The following GALNT18 variants were observed in gnomAD, a reference collection of about 807,000 sequenced individuals.
GALNT18 encodes the protein polypeptide N-acetylgalactosaminyltransferase 18.
GALNT18 carries 44 observed loss-of-function variants against 69.5 expected under a neutral mutation model. The observed-to-expected ratio is 0.63, with a 90% CI of 0.50 to 0.81. The LOEUF (loss-of-function observed/expected upper bound fraction) is 0.81, where lower values mean the gene tolerates loss of function less well. GALNT18 is among the 40% of genes least tolerant of loss of function. The pLI is 0.00. For synonymous variants in GALNT18, 364 were observed against 318.2 expected (o/e 1.14, Z -1.53); for missense variants, 715 against 810.0 (o/e 0.88, Z 1.42).
At chr11:11,287,131 C>T (rs1192114370) in intron 10 of GALNT18, among the ~76,000 whole-genome samples, 2 of 152,152 alleles carry the variant, frequency 1.3e-5, no homozygotes, top group African/African-American at 4.8e-5. Flanking sequence ...ATAGGACAAC[C>T]CTGCTGGGCC....
At position 11,546,912 on chromosome 11, in the gene GALNT18, G is replaced by A. The variant is rs538615320; in HGVS notation, c.235+74447C>T. Among the ~76,000 whole-genome samples, 1 of 152,094 alleles carries A rather than the reference G, an allele frequency of 6.6e-6. No individual in the cohort carries two copies. Among genetic ancestry groups the A allele is most frequent in the Non-Finnish European group, 1.5e-5 (1 of 67,982 alleles). ...TGGATGAATGGATAGATGGGTAGGT[G>A]GATGGATATGGAATCTTCTTTTTTT... On this transcript the variant is annotated intron_variant, in intron 1 of 10. Transcript: ENST00000227756. This position sits in a 1 kb window ranked among gnomAD's most constrained non-coding sequence, Gnocchi z 5.8.
chr11:11,565,960 A>C (rs1330113008), intron 1 of GALNT18, among the ~76,000 whole-genome samples: 2 of 152,202 alleles, frequency 1.3e-5, no homozygotes, highest in Non-Finnish European at 2.9e-5. Context: ...ATGGCACCTA[A>C]ATACTCATGT....
At chr11:11,346,239 C>G (rs1485120620) in intron 6 of GALNT18, among the ~76,000 whole-genome samples, 1 of 152,264 alleles carries the variant, frequency 6.6e-6, no homozygotes, top group Non-Finnish European at 1.5e-5. Flanking sequence ...GCCATGGAAA[C>G]AGGATCGTGT....
chr11:11,320,155 T>G lies in GALNT18; in HGVS notation c.1512+6931A>C, dbSNP rs780097993. Among the ~76,000 whole-genome samples, 14 of 152,366 alleles carry G rather than the reference T, an allele frequency of 9.2e-5. No individual in the cohort carries two copies. The highest frequency in any genetic ancestry group is 1.6e-4 in the Non-Finnish European group (11 of 68,036). On this transcript the variant is annotated intron_variant, in intron 9 of 10. Transcript: ENST00000227756. The surrounding 1 kb of genome is among the most constrained non-coding windows in gnomAD (Gnocchi z 4.9). Reference sequence around the variant, plus strand: ...ATTTGAACCCATATAGTCTGGTTCTTAATCACTATATATTGCCTCAGAAAT... The same window carrying G: ...ATTTGAACCCATATAGTCTGGTTCTGAATCACTATATATTGCCTCAGAAAT...
At chr11:11,553,235 G>A (rs1433254416) in intron 1 of GALNT18, among the ~76,000 whole-genome samples, 2 of 152,284 alleles carry the variant, frequency 1.3e-5, no homozygotes, top group East Asian at 1.9e-4. Context: ...TTATCCCACC[G>A]CTTCCTGCTT....
At position 11,383,518 on chromosome 11, in the gene GALNT18, G is replaced by A. The variant is rs1038741185; in HGVS notation, c.596-4254C>T. On this transcript the variant is annotated intron_variant, in intron 3 of 10. Transcript: ENST00000227756. This position sits in a 1 kb window ranked among gnomAD's most constrained non-coding sequence, Gnocchi z 5.2. ...AACTGCCTTCCTATAGGCTTGCTGT[G>A]GAGAACCGGGCAGAGTCCTCACCTC... 1.3e-5 allele frequency among the ~76,000 whole-genome samples: 2 copies of A among 152,204 alleles called. No individual in the cohort carries two copies. Among genetic ancestry groups the A allele is most frequent in the South Asian group, 4.1e-4 (2 of 4,826 alleles).
intron 1 of GALNT18, among the ~76,000 whole-genome samples, chr11:11,567,510 G>A (rs528316422): frequency 6.6e-6 from 1 of 152,270 alleles, no homozygotes; most frequent in South Asian, 2.1e-4. Flanking sequence ...AGGGTAGTAG[G>A]AATGACCATT....
intron 1 of GALNT18, among the ~76,000 whole-genome samples, chr11:11,483,325 G>A (rs1428049912): frequency 6.6e-6 from 1 of 152,170 alleles, no homozygotes; most frequent in Non-Finnish European, 1.5e-5. Context: ...TCTCCCATGA[G>A]TCTATGCTAT....
chr11:11,539,668 A>T (rs538669033), intron 1 of GALNT18, among the ~76,000 whole-genome samples: 1 of 151,944 alleles, frequency 6.6e-6, no homozygotes, highest in Non-Finnish European at 1.5e-5. Flanking sequence ...GGTTCCATGC[A>T]CCCCGCTTCT....
At chr11:11,274,162 G>A (rs1420672192) in intron 10 of GALNT18, among the ~76,000 whole-genome samples, 1 of 152,204 alleles carries the variant, frequency 6.6e-6, no homozygotes, top group Non-Finnish European at 1.5e-5. Context: ...CTCAGATACT[G>A]TGCTTTTCCC....
rs1859139302 is a variant in GALNT18 at position 11,583,575 on chromosome 11, C to A, written c.235+37784G>T. ...TAAATTCCTCTCCACCTGGCCCCAG[C>A]AAAGGATACATTTACATCTCATTCC... On this transcript the variant is annotated intron_variant, in intron 1 of 10. Transcript: ENST00000227756. This position sits in a 1 kb window ranked among gnomAD's most constrained non-coding sequence, Gnocchi z 4.7. Among the ~76,000 whole-genome samples, 2 of 152,184 alleles carry A rather than the reference C, an allele frequency of 1.3e-5. No individual in the cohort carries two copies. The highest frequency in any genetic ancestry group is 1.3e-4 in the Admixed American group (2 of 15,274).
At chr11:11,466,637 A>G (rs1248570595) in intron 1 of GALNT18, among the ~76,000 whole-genome samples, 1 of 152,208 alleles carries the variant, frequency 6.6e-6, no homozygotes, top group African/African-American at 2.4e-5. Context: ...TTTGCATAAG[A>G]AACCCTTTAA....
chr11:11,369,637 A>ATCCC (rs144530429), intron 6 of GALNT18, among the ~76,000 whole-genome samples: 14,724 of 152,112 alleles, frequency 0.097, 987 homozygotes, highest in Middle Eastern at 0.16. Context: ...AACAATTTCA[A>ATCCC]TCCCTTGCCA....
At chr11:11,376,108 C>A (rs560404604) in intron 5 of GALNT18, among the ~76,000 whole-genome samples, 1 of 152,068 alleles carries the variant, frequency 6.6e-6, no homozygotes, top group Non-Finnish European at 1.5e-5. Flanking sequence ...ATAGGCCAGG[C>A]GCAGTGGCTC....
At position 11,563,121 on chromosome 11, in the gene GALNT18, C is replaced by T. The variant is rs10831639; in HGVS notation, c.235+58238G>A. On this transcript the variant is annotated intron_variant, in intron 1 of 10. Transcript: ENST00000227756. The surrounding 1 kb of genome is among the most constrained non-coding windows in gnomAD (Gnocchi z 4.6). ...CCAGGAGGTGACCCCCCACCACACC[C>T]CACAGAGTGCCCTCAAACAGTGGAG... 0.81 allele frequency among the ~76,000 whole-genome samples: 122,404 copies of T among 151,940 alleles called. 49,352 individuals carry two copies. Among genetic ancestry groups the T allele is most frequent in the East Asian group, 0.88 (4,523 of 5,140 alleles).
rs551715226 is a variant in GALNT18, at chr11:11,612,143, A to T, written c.235+9216T>A. The stretch of plus-strand genomic sequence containing the variant: ...TCAGCCCTGTGACCTACCTTGAACA[A>T]ACTCTAAGTCTTCATTTTCTTACCT... On this transcript the variant is annotated intron_variant, in intron 1 of 10. Transcript: ENST00000227756. Among the ~76,000 whole-genome samples the T allele has an allele frequency of 9.9e-5, 15 of 151,316 alleles. No individual in the cohort carries two copies. In the East Asian group the frequency reaches 2.9e-3, roughly 29 times the overall value.
chr11:11,446,402 C>A (rs1023390114), intron 2 of GALNT18, among the ~76,000 whole-genome samples: 6 of 152,286 alleles, frequency 3.9e-5, no homozygotes, highest in Non-Finnish European at 7.4e-5. Flanking sequence ...AACAGATTGA[C>A]TGAAAAGTCC....
chr11:11,306,490 A>G (rs553227797), intron 9 of GALNT18, among the ~76,000 whole-genome samples: 52 of 152,270 alleles, frequency 3.4e-4, no homozygotes, highest in African/African-American at 1.1e-3. Flanking sequence ...CACCATCTCC[A>G]TCTCCATTTT....
chr11:11,573,357 C>T lies in GALNT18; in HGVS notation c.235+48002G>A, dbSNP rs979393778. 1.3e-5 allele frequency among the ~76,000 whole-genome samples: 2 copies of T among 152,362 alleles called. No homozygotes were observed. Among genetic ancestry groups the T allele is most frequent in the Admixed American group, 6.5e-5 (1 of 15,300 alleles). ...CTGAAATAAAAGGGATTTCTGCCTG[C>T]TCCTTCTCTTACACTAAGGTACATG... On this transcript the variant is annotated intron_variant, in intron 1 of 10. Coordinates refer to ENST00000227756, the MANE Select transcript of GALNT18 (RefSeq NM_198516.3). The surrounding 1 kb of genome is among the most constrained non-coding windows in gnomAD (Gnocchi z 4.6).
Sources: allele counts gnomAD v4.1 joint callset (sites outside exome capture counted in the v4.1 genomes callset), GRCh38; gene constraint gnomAD v4.1.1; non-coding constraint Gnocchi (gnomAD v3.1); transcripts MANE v1.5; gene names NCBI Gene and HGNC (gene_info 2026-07-23, HGNC 2026-07-21).